TBC1D16: variants seen among roughly 807,000 people sequenced by gnomAD.
TBC1D16 encodes TBC1 domain family member 16.
In TBC1D16, 58 loss-of-function variants were observed where a neutral mutation model predicts 74.7. The ratio of observed to expected loss-of-function variants is 0.78; its 90% CI spans 0.63 to 0.97. TBC1D16 has a LOEUF of 0.97. Among genes scored for constraint, TBC1D16 ranks in the 50% least tolerant of loss-of-function variants. The pLI is 0.00. For missense variants in TBC1D16, 1,014 were observed against 1,079.5 expected (o/e 0.94, Z 0.85); for synonymous variants, 493 against 474.7 (o/e 1.04, Z -0.50).
chr17:80,004,778 G>A (rs1207891708), intron 3 of TBC1D16, among the ~76,000 whole-genome samples: 2 of 151,968 alleles, frequency 1.3e-5, no homozygotes, highest in East Asian at 1.9e-4. Context: ...AAGTTCAAGC[G>A]ATTCTCGTGC....
intron 1 of TBC1D16, among the ~76,000 whole-genome samples, chr17:80,015,740 G>C (rs2036063667): frequency 6.6e-6 from 1 of 151,928 alleles, no homozygotes; most frequent in Admixed American, 6.6e-5. Context: ...ACTGGGAGCG[G>C]TGGCTCACAC....
intron 1 of TBC1D16, among the ~76,000 whole-genome samples, chr17:80,028,760 G>A (rs1007131199): frequency 4.6e-5 from 7 of 151,148 alleles, no homozygotes; most frequent in East Asian, 4.0e-4. Flanking sequence ...ACAGGCGCGC[G>A]CCACCACACC....
chr17:80,005,285 A>C (rs1012108329), intron 3 of TBC1D16, among the ~76,000 whole-genome samples: 2 of 152,058 alleles, frequency 1.3e-5, no homozygotes, highest in African/African-American at 4.8e-5. Context: ...GGGTCTCGCT[A>C]TGTTGCCCAG....
chr17:79,947,813 G>A lies in TBC1D16; in HGVS notation c.1560C>T (p.Tyr520=), dbSNP rs375707260. The change falls in exon 9 of 12, where the codon TAC becomes TAT. Residue 520 remains tyrosine, a synonymous_variant. Coordinates refer to ENST00000310924, the MANE Select transcript of TBC1D16 (RefSeq NM_019020.4). ...AGCCGACGGCAGGGTTGTACACGGC[G>A]TAGTTCAGCAGGATCCTCCTGGGAG... ...VESMRRILLN[Y]AVYNPAVGYS... The A allele has an allele frequency of 3.4e-5, 55 of 1,613,368 alleles. No homozygotes were observed. Among genetic ancestry groups the A allele is most frequent in the Middle Eastern group, 1.6e-4 (1 of 6,084 alleles).
At chr17:79,984,620 T>G (rs9900976) in intron 3 of TBC1D16, among the ~76,000 whole-genome samples, 62,655 of 122,090 alleles carry the variant, frequency 0.51, 16,201 homozygotes, top group Middle Eastern at 0.58. Context: ...AGGGAGGGAG[T>G]GAAGGAAGGA....
chr17:79,990,785 T>C lies in TBC1D16; in HGVS notation c.779+19375A>G, dbSNP rs2035027869. ...TCCCTCAGCCCCTGGCACCCCAATCTTTCCCTCTCTGAGCCTGACAACTCC... is the reference window on the plus strand; with the variant it reads ...TCCCTCAGCCCCTGGCACCCCAATCCTTCCCTCTCTGAGCCTGACAACTCC... On this transcript the variant is annotated intron_variant, in intron 3 of 11. Coordinates refer to ENST00000310924, the MANE Select transcript of TBC1D16 (RefSeq NM_019020.4). This position sits in a 1 kb window ranked among gnomAD's most constrained non-coding sequence, Gnocchi z 4.8. Among the ~76,000 whole-genome samples the C allele has an allele frequency of 6.6e-6, 1 of 152,134 alleles. No individual in the cohort carries two copies. Among genetic ancestry groups the C allele is most frequent in the Non-Finnish European group, 1.5e-5 (1 of 68,012 alleles).
intron 1 of TBC1D16, among the ~76,000 whole-genome samples, chr17:80,022,094 A>G (rs539276109): frequency 6.7e-6 from 1 of 149,848 alleles, no homozygotes; most frequent in Non-Finnish European, 1.5e-5. Flanking sequence ...CAAGCTAAAG[A>G]TCGTTAAACA....
At chr17:80,026,657 G>A (rs2036592139) in intron 1 of TBC1D16, among the ~76,000 whole-genome samples, 1 of 149,860 alleles carries the variant, frequency 6.7e-6, no homozygotes, top group Admixed American at 6.6e-5. Context: ...GGCAGCCCAA[G>A]TTGTCTGATG....
intron 3 of TBC1D16, among the ~76,000 whole-genome samples, chr17:79,966,935 G>A (rs2033868783): frequency 6.6e-6 from 1 of 152,094 alleles, no homozygotes; most frequent in Non-Finnish European, 1.5e-5. Flanking sequence ...CACTAGATTA[G>A]TAAAAGAAAA....
rs1338673826 is a variant in TBC1D16, at chr17:79,942,278, G to A, written c.1909-72C>T. 1.0e-5 allele frequency: 15 copies of A among 1,483,906 alleles called. No individual in the cohort carries two copies. In the East Asian group the frequency reaches 3.5e-4, roughly 34 times the overall value. 91.9% of individuals were successfully genotyped at this position (1,483,906 alleles called of 1,614,324 possible). On this transcript the variant is annotated intron_variant, in intron 10 of 11. Coordinates refer to ENST00000310924, the MANE Select transcript of TBC1D16 (RefSeq NM_019020.4). The stretch of plus-strand genomic sequence containing the variant: ...GGCCCTGCACTCAGGGGGAAACTGA[G>A]TGCCAGGGTGCGAGTGAGGGCTCCA...
intron 3 of TBC1D16, among the ~76,000 whole-genome samples, chr17:79,959,118 T>C (rs1165673574): frequency 6.6e-6 from 1 of 152,168 alleles, no homozygotes; most frequent in Non-Finnish European, 1.5e-5. Flanking sequence ...AATTGGAACA[T>C]GAAATAAATA....
At chr17:79,996,710 T>C (rs2035284891) in intron 3 of TBC1D16, among the ~76,000 whole-genome samples, 2 of 152,104 alleles carry the variant, frequency 1.3e-5, no homozygotes, top group Admixed American at 6.5e-5. Flanking sequence ...GCAAAAACCC[T>C]GTCTCTATTT....
chr17:80,014,220 G>A (rs939527096), intron 1 of TBC1D16, among the ~76,000 whole-genome samples: 21 of 152,076 alleles, frequency 1.4e-4, no homozygotes, highest in East Asian at 3.9e-4. Context: ...AGCCAGGTGC[G>A]GTGGCGGGCG....
chr17:79,995,790 C>CA (rs1283243644), intron 3 of TBC1D16, among the ~76,000 whole-genome samples: 3 of 149,160 alleles, frequency 2.0e-5, no homozygotes, highest in East Asian at 1.9e-4. Flanking sequence ...GTCTCAAAAA[C>CA]AAAAAAAAAG....
At chr17:80,018,338 A>G (rs1454426339) in intron 1 of TBC1D16, among the ~76,000 whole-genome samples, 1 of 148,996 alleles carries the variant, frequency 6.7e-6, no homozygotes, top group Non-Finnish European at 1.5e-5. Context: ...CTGGAGTGCA[A>G]CGGTGCAATC....
chr17:79,948,348 T>G (rs1055964557), intron 8 of TBC1D16, among the ~76,000 whole-genome samples: 1 of 150,258 alleles, frequency 6.7e-6, no homozygotes, highest in African/African-American at 2.4e-5. Flanking sequence ...TGCTATTAGC[T>G]GCTGTCTAGG....
intron 3 of TBC1D16, among the ~76,000 whole-genome samples, chr17:79,997,296 T>C (rs1314522157): frequency 6.6e-6 from 1 of 151,848 alleles, no homozygotes; most frequent in Admixed American, 6.6e-5. Context: ...TATGCTTCTA[T>C]GCAGGATGTC....
rs187110753 is a variant in TBC1D16 at position 79,980,854 on chromosome 17, C to A, written c.780-28036G>T. Among the ~76,000 whole-genome samples, 1 of 152,180 alleles carries A rather than the reference C, an allele frequency of 6.6e-6. No individual in the cohort carries two copies. The highest frequency in any genetic ancestry group is 6.5e-5 in the Admixed American group (1 of 15,282). On this transcript the variant is annotated intron_variant, in intron 3 of 11. Coordinates refer to ENST00000310924, the MANE Select transcript of TBC1D16 (RefSeq NM_019020.4). This position sits in a 1 kb window ranked among gnomAD's most constrained non-coding sequence, Gnocchi z 7.0. ...GCCCTGGTCCCCGTTACTGTTCCTG[C>A]AGGCTGGAAGGGGAGCCTGTGAGTT...
At chr17:80,004,278 T>G (rs561706637) in intron 3 of TBC1D16, among the ~76,000 whole-genome samples, 2 of 152,302 alleles carry the variant, frequency 1.3e-5, no homozygotes, top group African/African-American at 2.4e-5. Flanking sequence ...TCAGGCCTCT[T>G]CACAGAGTTT....
Sources: gnomAD v4.1 joint callset for allele counts (sites outside exome capture counted in the v4.1 genomes callset) on GRCh38, gnomAD v4.1.1 for gene constraint, Gnocchi (gnomAD v3.1) non-coding constraint, MANE v1.5 for transcripts, NCBI Gene and HGNC (gene_info 2026-07-23, HGNC 2026-07-21) for gene names.